Variants in MANBA observed in about 807,000 individuals in gnomAD.
MANBA encodes beta-mannosidase.
Under a neutral mutation model 111.1 loss-of-function variants are expected in MANBA, and 83 were observed. The ratio of observed to expected loss-of-function variants is 0.75; its 90% CI spans 0.63 to 0.90. The LOEUF (loss-of-function observed/expected upper bound fraction) is 0.90. Among genes scored for constraint, MANBA ranks in the 40% least tolerant of loss-of-function variants. The pLI is 0.00. For missense variants in MANBA, 1,036 were observed against 1,069.0 expected, an observed-to-expected ratio of 0.97 and a Z score of 0.43; for synonymous variants, 370 against 378.7, an observed-to-expected ratio of 0.98 and a Z score of 0.27.
At chr4:102,670,564 C>G (rs935444625) in intron 9 of MANBA, among the ~76,000 whole-genome samples, 2 of 152,080 alleles carry the variant, frequency 1.3e-5, no homozygotes, top group African/African-American at 4.8e-5. Context: ...AATATTAGGG[C>G]CAGGTACAGT....
At chr4:102,755,611 C>T (rs537906988) in intron 1 of MANBA, among the ~76,000 whole-genome samples, 1 of 152,118 alleles carries the variant, frequency 6.6e-6, no homozygotes, top group Non-Finnish European at 1.5e-5. Flanking sequence ...AAAAGCCAAA[C>T]TTGACAAATG....
chr4:102,686,146 G>A (rs1421366823), intron 7 of MANBA, among the ~76,000 whole-genome samples: 1 of 152,084 alleles, frequency 6.6e-6, no homozygotes, highest in Non-Finnish European at 1.5e-5. Context: ...CTCTTCCCAG[G>A]CGCTCTGAGA....
intron 4 of MANBA, among the ~76,000 whole-genome samples, chr4:102,715,495 T>A (rs1217202249): frequency 6.6e-6 from 1 of 152,216 alleles, no homozygotes; most frequent in Admixed American, 6.5e-5. Context: ...CCACATATTT[T>A]CTTTTTTTAA....
chr4:102,719,811 C>T (rs1722493704), intron 4 of MANBA, among the ~76,000 whole-genome samples: 3 of 152,216 alleles, frequency 2.0e-5, no homozygotes, highest in South Asian at 4.1e-4. Flanking sequence ...TTCACTTGGT[C>T]TCCAACTCAG....
At chr4:102,729,545 G>T (rs1432171432) in intron 1 of MANBA, 3 of 871,464 alleles carry the variant, frequency 3.4e-6, no homozygotes, top group South Asian at 2.7e-5. Flanking sequence ...TGAGACTCCA[G>T]CTCTACCTTG....
At position 102,675,981 on chromosome 4, in the gene MANBA, A is replaced by AT. The variant is rs778455436; in HGVS notation, c.961-1912_961-1911insA. ...ACAAGACTCCGTCTTGAAAAAAAAA[A>AT]GAAGGCTTACCTTCTCAACCTATAA... On this transcript the variant is annotated intron_variant, in intron 7 of 16. Coordinates refer to ENST00000647097, the MANE Select transcript of MANBA (RefSeq NM_005908.4). 2.1e-4 allele frequency among the ~76,000 whole-genome samples: 32 copies of AT among 152,330 alleles called. No homozygotes were observed. The East Asian group carries it at 6.2e-3, about 29-fold the overall frequency.
rs141207618 is a variant in MANBA, at chr4:102,748,330, T to C, written c.177+12388A>G. 6.7e-3 allele frequency among the ~76,000 whole-genome samples: 1,014 copies of C among 152,292 alleles called. 8 individuals carry two copies. Among genetic ancestry groups the C allele is most frequent in the African/African-American group, 0.022 (911 of 41,560 alleles). ...AGTGCTTAGAACAGTTCTTGGTACA[T>C]AGTGTGCACTCAAAAATGATAGCTA... On this transcript the variant is annotated intron_variant, in intron 1 of 16. Coordinates refer to ENST00000647097, the MANE Select transcript of MANBA (RefSeq NM_005908.4).
intron 5 of MANBA, among the ~76,000 whole-genome samples, chr4:102,711,061 G>T (rs771662156): frequency 1.3e-5 from 2 of 152,138 alleles, no homozygotes; most frequent in Admixed American, 6.5e-5. Flanking sequence ...TCTAGACAAA[G>T]ATTTTTATAG....
chr4:102,753,603 C>A (rs751405797), intron 1 of MANBA: 23 of 152,442 alleles, frequency 1.5e-4, no homozygotes, highest in Non-Finnish European at 2.8e-4. Flanking sequence ...ATAAAGATAG[C>A]TGAGAGGAAT....
chr4:102,664,869 C>T lies in MANBA; in HGVS notation c.1318-17G>A. On this transcript the variant is annotated splice_polypyrimidine_tract_variant and intron_variant, in intron 10 of 16. Transcript: ENST00000647097. ...TCTCTTGATCTGAAAATTAAGAAAA[C>T]ATAAAATGATTTTCAAAGAGTTAAC... The T allele has an allele frequency of 6.4e-7, 1 of 1,564,430 alleles. No individual in the cohort carries two copies. The highest frequency in any genetic ancestry group is 8.8e-7 in the Non-Finnish European group (1 of 1,135,136).
At chr4:102,729,495 C>G in intron 1 of MANBA, 3 of 1,014,646 alleles carry the variant, frequency 3.0e-6, no homozygotes, top group Non-Finnish European at 4.7e-6. Context: ...CTTCATACAG[C>G]TGCTTGAGGA....
chr4:102,711,013 C>T (rs1001131376), intron 5 of MANBA, among the ~76,000 whole-genome samples: 1 of 152,080 alleles, frequency 6.6e-6, no homozygotes, highest in Non-Finnish European at 1.5e-5. Context: ...GATAAAACTA[C>T]TAGAAGAAAA....
intron 5 of MANBA, among the ~76,000 whole-genome samples, chr4:102,713,070 C>A (rs1722152074): frequency 6.6e-6 from 1 of 152,194 alleles, no homozygotes; most frequent in African/African-American, 2.4e-5. Context: ...ATACCAACAG[C>A]ACCAAATAAC....
chr4:102,734,821 G>A (rs1312549992), intron 1 of MANBA, among the ~76,000 whole-genome samples: 1 of 152,142 alleles, frequency 6.6e-6, no homozygotes, highest in Non-Finnish European at 1.5e-5. Flanking sequence ...CTGCTTCTGT[G>A]ATGGTTTAGA....
At chr4:102,691,113 T>C (rs1344913391) in intron 5 of MANBA, among the ~76,000 whole-genome samples, 1 of 152,068 alleles carries the variant, frequency 6.6e-6, no homozygotes, top group Non-Finnish European at 1.5e-5. Flanking sequence ...TTGTTCCTTT[T>C]TAATTAAGTA....
chr4:102,732,735 C>T (rs1017296400), intron 1 of MANBA, among the ~76,000 whole-genome samples: 1 of 152,196 alleles, frequency 6.6e-6, no homozygotes, highest in Non-Finnish European at 1.5e-5. Context: ...ACACAGGACT[C>T]GGCCTCTCCA....
intron 13 of MANBA, among the ~76,000 whole-genome samples, chr4:102,648,771 C>T (rs1730207112): frequency 6.6e-6 from 1 of 152,068 alleles, no homozygotes; most frequent in Admixed American, 6.6e-5. Context: ...AAGGTGCATG[C>T]CATAACATTC....
At chr4:102,747,422 C>A (rs1723630311) in intron 1 of MANBA, among the ~76,000 whole-genome samples, 1 of 152,138 alleles carries the variant, frequency 6.6e-6, no homozygotes, top group African/African-American at 2.4e-5. Flanking sequence ...AGATTGTGCC[C>A]ATCCAGATTA....
intron 11 of MANBA, among the ~76,000 whole-genome samples, chr4:102,660,753 CTTTAA>C (rs1246357978): frequency 8.7e-5 from 13 of 149,142 alleles, no homozygotes; most frequent in East Asian, 1.9e-4. Flanking sequence ...CCACATCCAG[CTTTAA>C]TTTAATATAT....
Sources: gnomAD v4.1 joint callset for allele counts (sites outside exome capture counted in the v4.1 genomes callset) on GRCh38, gnomAD v4.1.1 for gene constraint, MANE v1.5 for transcripts, NCBI Gene and HGNC (gene_info 2026-07-23, HGNC 2026-07-21) for gene names.